Variants in AATF observed in about 807,000 individuals in gnomAD.
AATF encodes protein AATF.
In AATF, 48 loss-of-function variants were observed where a neutral mutation model predicts 63.7. That is an observed-to-expected ratio of 0.75 (90% CI 0.60 to 0.96). The LOEUF (loss-of-function observed/expected upper bound fraction) is 0.96, where lower values mean the gene tolerates loss of function less well. AATF is among the 40% of genes least tolerant of loss of function. The pLI, the probability that AATF is intolerant of heterozygous loss-of-function variation, is 0.00. For synonymous variants in AATF, 258 were observed against 247.7 expected (o/e 1.04, Z -0.39); for missense variants, 639 against 685.7 (o/e 0.93, Z 0.76).
chr17:37,048,424 G>A (rs1217325952), intron 11 of AATF, among the ~76,000 whole-genome samples: 20 of 135,504 alleles, frequency 1.5e-4, no homozygotes, highest in Admixed American at 8.1e-4. Flanking sequence ...AGGCTGGAGT[G>A]CAATGGCACA....
Position 37,056,741 on chromosome 17 carries a change from T to C in AATF, c.*77T>C. On this transcript the variant is annotated 3_prime_UTR_variant, in exon 12 of 12. Transcript: ENST00000619387. ...TCCAGATGGAGGAAACCAGTGACTTTATGGGGCTGAGCTAGTAGGGAAGCC... is the reference window on the plus strand; with the variant it reads ...TCCAGATGGAGGAAACCAGTGACTTCATGGGGCTGAGCTAGTAGGGAAGCC... 4 of 1,491,856 alleles carry C rather than the reference T, an allele frequency of 2.7e-6. No individual in the cohort carries two copies. The highest frequency in any genetic ancestry group is 2.3e-5 in the South Asian group (2 of 88,084). 92.4% of individuals were successfully genotyped at this position (1,491,856 alleles called of 1,614,324 possible).
intron 4 of AATF, among the ~76,000 whole-genome samples, chr17:36,958,384 C>T (rs925739560): frequency 5.9e-5 from 9 of 152,008 alleles, no homozygotes; most frequent in Admixed American, 5.9e-4. Flanking sequence ...CCAGGCTGGT[C>T]CTAAACTCCT....
At chr17:36,987,299 AT>A (rs763133389) in intron 5 of AATF, among the ~76,000 whole-genome samples, 26 of 152,052 alleles carry the variant, frequency 1.7e-4, no homozygotes, top group Non-Finnish European at 2.6e-4. Context: ...CCAAAAGCAC[AT>A]TTTTAAAATA....
chr17:37,013,968 G>T (rs1472750122), intron 8 of AATF, among the ~76,000 whole-genome samples: 2 of 151,914 alleles, frequency 1.3e-5, no homozygotes, highest in Non-Finnish European at 2.9e-5. Context: ...CTCTTCTGGC[G>T]TGGCTGCACA....
intron 8 of AATF, among the ~76,000 whole-genome samples, chr17:37,014,258 ACTGT>A (rs1195319295): frequency 2.8e-5 from 4 of 144,444 alleles, no homozygotes; most frequent in African/African-American, 1.1e-4. Flanking sequence ...ACAGAGCAAG[ACTGT>A]CTTAGTAATA....
intron 11 of AATF, chr17:37,055,274 A>G (rs984510503): frequency 3.3e-5 from 5 of 152,240 alleles, no homozygotes; most frequent in Admixed American, 1.3e-4. Flanking sequence ...GGTCCCCAAC[A>G]TGATAAGGCT....
intron 8 of AATF, among the ~76,000 whole-genome samples, chr17:36,992,732 T>G (rs953604436): frequency 6.6e-6 from 1 of 152,134 alleles, no homozygotes; most frequent in South Asian, 2.1e-4. Context: ...GAGTTATGAC[T>G]AGTCACATCT....
At position 37,007,359 on chromosome 17, in the gene AATF, A is replaced by ATTT. The variant is rs71368436; in HGVS notation, c.1399-11621_1399-11619dup. 8.3e-4 allele frequency among the ~76,000 whole-genome samples: 93 copies of ATTT among 112,576 alleles called. 1 individual carries two copies. Among genetic ancestry groups the ATTT allele is most frequent in the Non-Finnish European group, 1.3e-3 (76 of 56,780 alleles). 73.9% of individuals were successfully genotyped at this position (112,576 alleles called of 152,430 possible). A position where few individuals can be genotyped will look rare whatever the true frequency, so the allele number is the denominator to read the frequency against. On this transcript the variant is annotated intron_variant, in intron 8 of 11. Coordinates refer to ENST00000619387, the MANE Select transcript of AATF (RefSeq NM_012138.4). ...TATGCCACCACACCTGGCTAATTTA[A>ATTT]TTTTTTTTTTTTTTTTTTTTTTTTT...
intron 4 of AATF, among the ~76,000 whole-genome samples, chr17:36,959,302 G>T (rs1023946738): frequency 6.6e-6 from 1 of 152,150 alleles, no homozygotes; most frequent in Non-Finnish European, 1.5e-5. Context: ...AATTAGCCAG[G>T]CATGATGGTG....
intron 11 of AATF, among the ~76,000 whole-genome samples, chr17:37,046,809 A>T (rs2071697438): frequency 1.3e-5 from 2 of 151,924 alleles, no homozygotes; most frequent in Admixed American, 1.3e-4. Context: ...CAGCATCCTG[A>T]TACGGATACA....
At chr17:36,969,185 AC>A (rs1211768041) in intron 4 of AATF, among the ~76,000 whole-genome samples, 2 of 151,720 alleles carry the variant, frequency 1.3e-5, no homozygotes, top group Non-Finnish European at 2.9e-5. Flanking sequence ...TTTTGGAAGA[AC>A]TCCCAATGGC....
At chr17:37,026,688 G>A (rs1041917982) in intron 10 of AATF, among the ~76,000 whole-genome samples, 1 of 152,206 alleles carries the variant, frequency 6.6e-6, no homozygotes, top group Non-Finnish European at 1.5e-5. Context: ...CATCCCCAGT[G>A]TTACATAGTA....
intron 8 of AATF, among the ~76,000 whole-genome samples, chr17:37,006,953 G>A (rs1199257970): frequency 6.6e-6 from 1 of 152,210 alleles, no homozygotes; most frequent in Non-Finnish European, 1.5e-5. Context: ...GGCAGAATTA[G>A]GCTGACTTTT....
intron 7 of AATF, 42 bp from the exon 8 acceptor site, chr17:36,990,732 C>A: frequency 1.6e-6 from 2 of 1,237,246 alleles, no homozygotes; most frequent in Non-Finnish European, 1.2e-6. Flanking sequence ...AGTTAGATAG[C>A]CTTGTTGGGA....
intron 11 of AATF, among the ~76,000 whole-genome samples, chr17:37,049,933 T>C (rs1012546680): frequency 6.6e-6 from 1 of 152,088 alleles, no homozygotes; most frequent in Non-Finnish European, 1.5e-5. Flanking sequence ...CTCCACCTGC[T>C]TTGGGCTCAC....
chr17:36,963,626 A>G (rs902413582), intron 4 of AATF, among the ~76,000 whole-genome samples: 1 of 152,262 alleles, frequency 6.6e-6, no homozygotes, highest in Non-Finnish European at 1.5e-5. Flanking sequence ...ATAAATATAC[A>G]GAAGCCTTCA....
At chr17:37,055,281 G>A (rs2071788690) in intron 11 of AATF, 1 of 152,196 alleles carries the variant, frequency 6.6e-6, no homozygotes, top group African/African-American at 2.4e-5. Context: ...AACATGATAA[G>A]GCTAGCTTAC....
intron 10 of AATF, among the ~76,000 whole-genome samples, chr17:37,029,928 CCT>C (rs774401272): frequency 6.6e-6 from 1 of 152,106 alleles, no homozygotes; most frequent in South Asian, 2.1e-4. Context: ...GTCTTGAACT[CCT>C]GGGCTCAGGT....
At chr17:36,994,933 A>G (rs1416126975) in intron 8 of AATF, among the ~76,000 whole-genome samples, 1 of 152,198 alleles carries the variant, frequency 6.6e-6, no homozygotes. Context: ...AGATCCTCGT[A>G]TTGTGATGTA....
Sources: gnomAD v4.1 joint callset for allele counts (sites outside exome capture counted in the v4.1 genomes callset) on GRCh38, gnomAD v4.1.1 for gene constraint, MANE v1.5 for transcripts, NCBI Gene and HGNC (gene_info 2026-07-23, HGNC 2026-07-21) for gene names.